The following PCDH15 variants were observed in gnomAD, a reference collection of about 807,000 sequenced individuals.
PCDH15 encodes the protein protocadherin-15.
A neutral mutation model predicts 178.5 loss-of-function variants in PCDH15; 129 were observed. The ratio of observed to expected loss-of-function variants is 0.72; its 90% CI spans 0.63 to 0.84. The LOEUF is 0.84. Among genes scored for constraint, PCDH15 ranks in the 40% least tolerant of loss-of-function variants. PCDH15 has a pLI of 0.00. For synonymous variants in PCDH15, 800 were observed against 732.0 expected (o/e 1.09, Z -1.50); for missense variants, 2,230 against 2,099.9 (o/e 1.06, Z -1.21).
chr10:54,203,939 C>A (rs191571386), intron 10 of PCDH15, among the ~76,000 whole-genome samples: 2 of 152,226 alleles, frequency 1.3e-5, no homozygotes, highest in Non-Finnish European at 1.5e-5. Flanking sequence ...TGCTGGAGGG[C>A]TAAATTATAT....
chr10:54,889,773 T>G (rs146589733), intron 3 of PCDH15, among the ~76,000 whole-genome samples: 1 of 151,800 alleles, frequency 6.6e-6, no homozygotes, highest in African/African-American at 2.4e-5. Flanking sequence ...TATATTGAAT[T>G]AATCATTCTT....
intron 8 of PCDH15, among the ~76,000 whole-genome samples, chr10:54,271,829 T>C (rs2058064320): frequency 6.6e-6 from 1 of 151,598 alleles, no homozygotes; most frequent in Non-Finnish European, 1.5e-5. Context: ...ATTGTATATC[T>C]CATACATCTT....
intron 13 of PCDH15, among the ~76,000 whole-genome samples, chr10:54,159,147 T>G (rs1162370495): frequency 1.3e-5 from 2 of 151,566 alleles, no homozygotes; most frequent in Admixed American, 6.6e-5. Flanking sequence ...TAATTGATAA[T>G]GCATGAATGT....
chr10:54,454,208 A>G (rs1004450731), intron 3 of PCDH15, among the ~76,000 whole-genome samples: 1 of 149,356 alleles, frequency 6.7e-6, no homozygotes, highest in Non-Finnish European at 1.5e-5. Flanking sequence ...AATTACTAAA[A>G]TTTTTTCTAT....
At chr10:54,895,979 C>T (rs113213397) in intron 3 of PCDH15, among the ~76,000 whole-genome samples, 34,108 of 151,776 alleles carry the variant, frequency 0.22, 4,512 homozygotes, top group Non-Finnish European at 0.31. Context: ...CTCCGCCTCC[C>T]GGGTTCAAGC....
chr10:54,514,667 CAAA>C (rs5785078), intron 3 of PCDH15, among the ~76,000 whole-genome samples: 3,426 of 124,412 alleles, frequency 0.028, 118 homozygotes, highest in African/African-American at 0.089. Flanking sequence ...AAATAGACTT[CAAA>C]AAAAAAAAAA....
At chr10:54,332,099 T>A (rs1939730942) in intron 6 of PCDH15, among the ~76,000 whole-genome samples, 1 of 149,772 alleles carries the variant, frequency 6.7e-6, no homozygotes. Context: ...GAGTATAAAA[T>A]AAAAAGAGCC....
intron 1 of PCDH15, among the ~76,000 whole-genome samples, chr10:55,309,046 T>C (rs1302102740): frequency 6.6e-6 from 1 of 152,174 alleles, no homozygotes; most frequent in African/African-American, 2.4e-5. Flanking sequence ...AAAGAGCCAA[T>C]ATATTTTCAT....
chr10:53,855,482 C>G (rs2078662337), intron 28 of PCDH15, among the ~76,000 whole-genome samples: 1 of 151,998 alleles, frequency 6.6e-6, no homozygotes, highest in African/African-American at 2.4e-5. Flanking sequence ...AACCATCACC[C>G]TCATAAAACA....
At chr10:54,144,283 G>A (rs192458851) in intron 14 of PCDH15, among the ~76,000 whole-genome samples, 59 of 152,140 alleles carry the variant, frequency 3.9e-4, no homozygotes, top group Admixed American at 1.4e-3. Context: ...GACTGAAACC[G>A]ACCAAACAGT....
At chr10:55,350,827 T>A (rs1181363942) in intron 2 of PCDH15, among the ~76,000 whole-genome samples, 1 of 152,140 alleles carries the variant, frequency 6.6e-6, no homozygotes, top group Non-Finnish European at 1.5e-5. Context: ...TTTAGTAACA[T>A]GGGAAATTCT....
At chr10:54,198,093 A>ATGTT (rs1160725845) in intron 10 of PCDH15, among the ~76,000 whole-genome samples, 2 of 152,144 alleles carry the variant, frequency 1.3e-5, no homozygotes, top group Non-Finnish European at 2.9e-5. Context: ...TACTGGAATA[A>ATGTT]TGTTTGGTCC....
intron 26 of PCDH15, among the ~76,000 whole-genome samples, chr10:53,869,066 C>T (rs1410596655): frequency 6.6e-6 from 1 of 152,136 alleles, no homozygotes; most frequent in Admixed American, 6.5e-5. Context: ...TCTTGGCCTA[C>T]CAAAGTGCTG....
At chr10:54,770,507 A>G (rs1469306189) in intron 1 of PCDH15, among the ~76,000 whole-genome samples, 1 of 152,090 alleles carries the variant, frequency 6.6e-6, no homozygotes, top group Non-Finnish European at 1.5e-5. Flanking sequence ...CAACTATGTT[A>G]AAGTGTTCAT....
chr10:55,203,062 A>C (rs1840299825), intron 1 of PCDH15, among the ~76,000 whole-genome samples: 1 of 152,130 alleles, frequency 6.6e-6, no homozygotes, highest in African/African-American at 2.4e-5. Flanking sequence ...TTACAGATAA[A>C]AATCAGTCTT....
At chr10:55,293,810 G>C (rs1184100649) in intron 1 of PCDH15, among the ~76,000 whole-genome samples, 2 of 152,102 alleles carry the variant, frequency 1.3e-5, no homozygotes, top group Non-Finnish European at 2.9e-5. Context: ...CATTCAACTA[G>C]TCTCTAGGAA....
chr10:54,945,352 G>T (rs867421802), intron 2 of PCDH15, among the ~76,000 whole-genome samples: 6,411 of 110,284 alleles, frequency 0.058, 177 homozygotes, highest in Admixed American at 0.062. Flanking sequence ...ATAGATAGAT[G>T]ATAGATAGAT....
chr10:53,945,547 A>T (rs898813981), intron 23 of PCDH15, among the ~76,000 whole-genome samples: 3 of 151,950 alleles, frequency 2.0e-5, no homozygotes, highest in Non-Finnish European at 4.4e-5. Flanking sequence ...CTTTTGACAA[A>T]TATCTCCCCA....
At chr10:54,797,023 G>A (rs1453617725) in intron 1 of PCDH15, among the ~76,000 whole-genome samples, 1 of 151,990 alleles carries the variant, frequency 6.6e-6, no homozygotes, top group Non-Finnish European at 1.5e-5. Context: ...AACAGGGAGA[G>A]CATTCATTAG....
Sources: allele counts gnomAD v4.1 joint callset (sites outside exome capture counted in the v4.1 genomes callset), GRCh38; gene constraint gnomAD v4.1.1; transcripts MANE v1.5; gene names NCBI Gene and HGNC (gene_info 2026-07-23, HGNC 2026-07-21).